Variants in NRF1 observed in about 807,000 individuals in gnomAD.
The protein encoded by NRF1 is alpha palindromic-binding protein.
Under a neutral mutation model 58.5 loss-of-function variants are expected in NRF1, and 5 were observed. The observed-to-expected ratio is 0.09, with a 90% CI of 0.04 to 0.18. NRF1 has a LOEUF of 0.18. NRF1 is among the 10% of genes least tolerant of loss of function. The pLI, the probability that NRF1 is intolerant of heterozygous loss-of-function variation, is 1.00. For synonymous variants in NRF1, 224 were observed against 246.7 expected, an observed-to-expected ratio of 0.91 and a Z score of 0.86; for missense variants, 288 against 657.7, an observed-to-expected ratio of 0.44 and a Z score of 6.15.
At chr7:129,706,872 G>C (rs1802962159) in intron 5 of NRF1, among the ~76,000 whole-genome samples, 2 of 152,224 alleles carry the variant, frequency 1.3e-5, no homozygotes, top group African/African-American at 4.8e-5. Flanking sequence ...GATCTGAGCA[G>C]ACTCTGTCAG....
In NRF1 at chr7:129,673,712, G is replaced by C. The variant is rs1240863393; in HGVS notation, c.338+2169G>C. 3.6e-5 allele frequency among the ~76,000 whole-genome samples: 2 copies of C among 56,006 alleles called. 1 individual carries two copies. Among genetic ancestry groups the C allele is most frequent in the African/African-American group, 1.5e-4 (2 of 13,386 alleles). 36.7% of individuals were successfully genotyped at this position (56,006 alleles called of 152,430 possible). A position where few individuals can be genotyped will look rare whatever the true frequency, so the allele number is the denominator to read the frequency against. Reference sequence around the variant, plus strand: ...CGCCTGGGCGACAGAGCGAGACTCCGTCTCAAAAAAAAAAAAAAAAAAAGC... The same window carrying C: ...CGCCTGGGCGACAGAGCGAGACTCCCTCTCAAAAAAAAAAAAAAAAAAAGC... On this transcript the variant is annotated intron_variant, in intron 3 of 10. Coordinates refer to ENST00000393232, the MANE Select transcript of NRF1 (RefSeq NM_005011.5).
At chr7:129,681,578 A>T (rs547651650) in intron 4 of NRF1, among the ~76,000 whole-genome samples, 5 of 152,158 alleles carry the variant, frequency 3.3e-5, no homozygotes, top group East Asian at 1.9e-4. Flanking sequence ...TTTATTTATT[A>T]ATTTATTTAT....
At chr7:129,619,458 ACGTGTG>A (rs1231879637) in intron 1 of NRF1, among the ~76,000 whole-genome samples, 9 of 24,356 alleles carry the variant, frequency 3.7e-4, no homozygotes, top group African/African-American at 1.0e-3. Flanking sequence ...ATATATATAC[ACGTGTG>A]TGTGTGTGTG....
At chr7:129,679,786 A>G (rs1329944349) in intron 4 of NRF1, among the ~76,000 whole-genome samples, 1 of 151,946 alleles carries the variant, frequency 6.6e-6, no homozygotes, top group South Asian at 2.1e-4. Context: ...GGCCACACAC[A>G]GTGGCTCACG....
In NRF1 at chr7:129,619,502, A is replaced by G. The variant is rs1224467892; in HGVS notation, c.-7+7678A>G. Among the ~76,000 whole-genome samples, 969 of 127,178 alleles carry G rather than the reference A, an allele frequency of 7.6e-3. 39 individuals carry two copies. Among genetic ancestry groups the G allele is most frequent in the Admixed American group, 0.045 (549 of 12,184 alleles). The allele number at this position is 127,178 out of a possible 152,430, so 83.4% of individuals were successfully genotyped here. On this transcript the variant is annotated intron_variant, in intron 1 of 10. Coordinates refer to ENST00000393232, the MANE Select transcript of NRF1 (RefSeq NM_005011.5). ...TGTGTGTGTGTGTGTATATATATAT[A>G]TATATATATATGTATTGTTTTGCTG...
intron 8 of NRF1, among the ~76,000 whole-genome samples, chr7:129,716,148 T>C (rs984918239): frequency 2.6e-5 from 4 of 152,294 alleles, no homozygotes; most frequent in Admixed American, 6.5e-5. Flanking sequence ...ATATGTAGAA[T>C]ATGCTGCCAT....
intron 10 of NRF1, among the ~76,000 whole-genome samples, chr7:129,750,054 T>C (rs1265323573): frequency 6.6e-6 from 1 of 151,994 alleles, no homozygotes; most frequent in Admixed American, 6.6e-5. Context: ...AGAAGTCAAG[T>C]GACATGCAGC....
intron 1 of NRF1, among the ~76,000 whole-genome samples, chr7:129,648,274 C>CTTTTTTTTTTTTTTT (rs35513653): frequency 1.0e-5 from 1 of 97,044 alleles, no homozygotes; most frequent in Non-Finnish European, 1.9e-5. Flanking sequence ...GCATTATTGA[C>CTTTTTTTTTTTTTTT]TTTTTTTTTT....
At chr7:129,676,201 A>C (rs796564183) in intron 3 of NRF1, among the ~76,000 whole-genome samples, 26 of 152,304 alleles carry the variant, frequency 1.7e-4, no homozygotes, top group African/African-American at 5.8e-4. Flanking sequence ...ATCAGCAATA[A>C]AACTGTTTTG....
chr7:129,685,449 T>G (rs964804706), intron 4 of NRF1, among the ~76,000 whole-genome samples: 1 of 152,070 alleles, frequency 6.6e-6, no homozygotes, highest in African/African-American at 2.4e-5. Context: ...CTAAACACCC[T>G]CCATCTCTGG....
chr7:129,647,622 C>T (rs1005279633), intron 1 of NRF1, among the ~76,000 whole-genome samples: 1 of 152,292 alleles, frequency 6.6e-6, no homozygotes, highest in South Asian at 2.1e-4. Flanking sequence ...TCTCAAACTT[C>T]TGACCTCGCG....
At position 129,677,677 on chromosome 7, in the gene NRF1, G is replaced by A; in HGVS notation, c.384G>A (p.Gln128=). The A allele has an allele frequency of 1.2e-6, 2 of 1,613,726 alleles. No homozygotes were observed. The highest frequency in any genetic ancestry group is 1.7e-6 in the Non-Finnish European group (2 of 1,179,632). ...ATGAATATACTACTCGTGTGGGACA[G>A]CAAGCTATTGTCCTCTGTATCTCAC... ...TLDEYTTRVG[Q]QAIVLCISPS... The change falls in exon 4 of 11, where the codon CAG becomes CAA. Residue 128 remains glutamine (Q), a synonymous_variant. Coordinates refer to ENST00000393232, the MANE Select transcript of NRF1 (RefSeq NM_005011.5).
At chr7:129,687,691 G>A (rs759071850) in intron 4 of NRF1, among the ~76,000 whole-genome samples, 24 of 152,342 alleles carry the variant, frequency 1.6e-4, no homozygotes, top group Middle Eastern at 3.4e-3. Context: ...GCCAGGGATA[G>A]CAAACATGTT....
At chr7:129,620,603 GT>G (rs1800773700) in intron 1 of NRF1, among the ~76,000 whole-genome samples, 1 of 152,090 alleles carries the variant, frequency 6.6e-6, no homozygotes, top group Admixed American at 6.5e-5. Flanking sequence ...GGACAGGCTG[GT>G]CTTGAATTCC....
intron 10 of NRF1, among the ~76,000 whole-genome samples, chr7:129,751,169 G>C (rs1301719390): frequency 6.6e-6 from 1 of 152,230 alleles, no homozygotes; most frequent in Non-Finnish European, 1.5e-5. Flanking sequence ...AAGGCATGGA[G>C]GTGTGTGCTT....
chr7:129,680,680 A>G (rs1056395839), intron 4 of NRF1, among the ~76,000 whole-genome samples: 9 of 152,234 alleles, frequency 5.9e-5, no homozygotes, highest in Non-Finnish European at 2.9e-5. Flanking sequence ...GTGCTAAGCA[A>G]AAGAACCCAG....
At position 129,749,228 on chromosome 7, in the gene NRF1, C is replaced by T. The variant is rs551870283; in HGVS notation, c.1349-5790C>T. ...GAAGGCAAGAGATGGTAGTGTCTGT[C>T]CAGGGAGGCAGGGGGAAAAGTGTTG... On this transcript the variant is annotated intron_variant, in intron 10 of 10. Transcript: ENST00000393232. Among the ~76,000 whole-genome samples, 3 of 152,058 alleles carry T rather than the reference C, an allele frequency of 2.0e-5. No individual in the cohort carries two copies. The South Asian group carries it at 6.2e-4, about 32-fold the overall frequency.
intron 8 of NRF1, among the ~76,000 whole-genome samples, chr7:129,712,100 C>T (rs1440977145): frequency 1.3e-5 from 2 of 151,568 alleles, no homozygotes; most frequent in Admixed American, 6.6e-5. Flanking sequence ...TTATTGATCA[C>T]TTGGTGGGCT....
chr7:129,623,554 A>G (rs1313625734), intron 1 of NRF1, among the ~76,000 whole-genome samples: 1 of 152,190 alleles, frequency 6.6e-6, no homozygotes, highest in African/African-American at 2.4e-5. Context: ...CTTTCTTAAA[A>G]AATTTATATG....
Sources: gnomAD v4.1 joint callset for allele counts (sites outside exome capture counted in the v4.1 genomes callset) on GRCh38, gnomAD v4.1.1 for gene constraint, MANE v1.5 for transcripts, NCBI Gene and HGNC (gene_info 2026-07-23, HGNC 2026-07-21) for gene names.